The following HCFC2 variants were observed in gnomAD, a reference collection of about 807,000 sequenced individuals.
HCFC2 encodes host cell factor 2.
Under a neutral mutation model 89.2 loss-of-function variants are expected in HCFC2, and 18 were observed. The observed-to-expected ratio is 0.20, with a 90% CI of 0.14 to 0.30. HCFC2 has a LOEUF of 0.30. Among genes scored for constraint, HCFC2 ranks in the 10% least tolerant of loss-of-function variants. HCFC2 has a pLI of 1.00. For synonymous variants in HCFC2, 308 were observed against 335.7 expected (o/e 0.92, Z 0.90); for missense variants, 578 against 956.1 (o/e 0.60, Z 5.21).
At chr12:104,070,011 C>T (rs1338745294) in intron 3 of HCFC2, among the ~76,000 whole-genome samples, 1 of 152,100 alleles carries the variant, frequency 6.6e-6, no homozygotes, top group Non-Finnish European at 1.5e-5. Flanking sequence ...CATCCATGTC[C>T]CTGCAAAGGA....
chr12:104,067,207 GC>G (rs1309010969), intron 2 of HCFC2, among the ~76,000 whole-genome samples: 3 of 152,178 alleles, frequency 2.0e-5, no homozygotes, highest in Non-Finnish European at 4.4e-5. Context: ...ACCATGCCTG[GC>G]CCCTAGGCTA....
intron 8 of HCFC2, among the ~76,000 whole-genome samples, chr12:104,087,338 G>A (rs1441082173): frequency 8.4e-6 from 1 of 118,514 alleles, no homozygotes; most frequent in Admixed American, 9.5e-5. Flanking sequence ...TGGGCAACAA[G>A]CAAGACTCTG....
rs191913549 is a variant in HCFC2, at chr12:104,086,699, G to T, written c.1064-148G>T. 377 of 466,904 alleles carry T rather than the reference G, an allele frequency of 8.1e-4. 1 individual carries two copies. Among genetic ancestry groups the T allele is most frequent in the Non-Finnish European group, 1.2e-3 (316 of 265,546 alleles). The allele number at this position is 466,904 out of a possible 1,614,324, so 28.9% of individuals were successfully genotyped here. ...TATTTTTATTTGACCTACTGTAGCT[G>T]TGTTTATCTGAGTAAACTTTCCCTG... On this transcript the variant is annotated intron_variant, in intron 7 of 14. Transcript: ENST00000229330.
chr12:104,071,698 C>T (rs189192793), intron 3 of HCFC2, among the ~76,000 whole-genome samples: 1 of 152,312 alleles, frequency 6.6e-6, no homozygotes, highest in East Asian at 1.9e-4. Context: ...AGTGATCCTC[C>T]CACCTCAACC....
chr12:104,065,103 G>A (rs1327706502), intron 1 of HCFC2: 1 of 168,798 alleles, frequency 5.9e-6, no homozygotes, highest in Non-Finnish European at 1.3e-5. Flanking sequence ...AGTTCCTTAG[G>A]GCCTTTCCCG....
chr12:104,101,956 A>G lies in HCFC2; in HGVS notation c.1879-12A>G, dbSNP rs2029953183. The G allele has an allele frequency of 6.4e-7, 1 of 1,556,020 alleles. No individual in the cohort carries two copies. The highest frequency in any genetic ancestry group is 1.4e-5 in the African/African-American group (1 of 73,970). ...TACCTTTTCTTTGACTTTTGCATATACTACATTTTAGGTAGGAAATGCAGA... is the reference window on the plus strand; with the variant it reads ...TACCTTTTCTTTGACTTTTGCATATGCTACATTTTAGGTAGGAAATGCAGA... On this transcript the variant is annotated splice_polypyrimidine_tract_variant and intron_variant, in intron 13 of 14. Coordinates refer to ENST00000229330, the MANE Select transcript of HCFC2 (RefSeq NM_013320.3).
intron 2 of HCFC2, 23 bp downstream of exon 2, chr12:104,066,338 C>A (rs1433885776): frequency 6.6e-7 from 1 of 1,515,138 alleles, no homozygotes; most frequent in East Asian, 2.4e-5. Context: ...AATATTGTTT[C>A]ATTCTGAGGC....
intron 2 of HCFC2, among the ~76,000 whole-genome samples, chr12:104,067,037 C>G (rs181341036): frequency 6.6e-6 from 1 of 152,314 alleles, no homozygotes; most frequent in East Asian, 1.9e-4. Context: ...ATCCACCCAC[C>G]TGGGCCTCCC....
intron 13 of HCFC2, among the ~76,000 whole-genome samples, chr12:104,101,246 G>T (rs903604989): frequency 3.3e-5 from 5 of 152,190 alleles, no homozygotes; most frequent in African/African-American, 1.2e-4. Context: ...CACTTTGGGA[G>T]GCCGACGCAG....
chr12:104,067,551 A>G (rs577539321), intron 2 of HCFC2, among the ~76,000 whole-genome samples: 1 of 152,378 alleles, frequency 6.6e-6, no homozygotes, highest in East Asian at 1.9e-4. Context: ...ATGTTAAATG[A>G]GCTTTATGTT....
Position 104,103,277 on chromosome 12 carries a change from G to T in HCFC2, c.*4G>T. On this transcript the variant is annotated 3_prime_UTR_variant, in exon 15 of 15. Transcript: ENST00000229330. ...TAAGAAAGCACCTTTAAATTGAATT[G>T]GTTTTTTTACTGAAGCTATTGTGAT... The T allele has an allele frequency of 6.3e-7, 1 of 1,598,066 alleles. No individual in the cohort carries two copies. Among genetic ancestry groups the T allele is most frequent in the Non-Finnish European group, 8.6e-7 (1 of 1,169,134 alleles).
chr12:104,099,110 C>T (rs1221659528), intron 13 of HCFC2, among the ~76,000 whole-genome samples: 2 of 152,104 alleles, frequency 1.3e-5, no homozygotes, highest in Non-Finnish European at 2.9e-5. Context: ...CCTCAGAAAA[C>T]TTCCAATCAT....
chr12:104,096,025 T>G (rs1304895288), intron 11 of HCFC2, among the ~76,000 whole-genome samples: 1 of 152,184 alleles, frequency 6.6e-6, no homozygotes, highest in Non-Finnish European at 1.5e-5. Flanking sequence ...ACTTGCTTGA[T>G]TTCTAATTTG....
intron 14 of HCFC2, 149 bp from the exon 15 acceptor site, chr12:104,102,810 T>A: frequency 1.4e-6 from 1 of 693,782 alleles, no homozygotes; most frequent in Non-Finnish European, 2.3e-6. Context: ...TGAGGTAGGT[T>A]TTAAAAATCA....
chr12:104,099,098 G>A (rs1884262439), intron 13 of HCFC2, among the ~76,000 whole-genome samples: 1 of 152,184 alleles, frequency 6.6e-6, no homozygotes, highest in Non-Finnish European at 1.5e-5. Context: ...CTTCTGGGGA[G>A]GCCTCAGAAA....
chr12:104,083,515 C>CA (rs1883744128), intron 7 of HCFC2, among the ~76,000 whole-genome samples: 2 of 151,522 alleles, frequency 1.3e-5, no homozygotes, highest in South Asian at 4.2e-4. Context: ...GATCCTGGAA[C>CA]AAAAAAAGAC....
chr12:104,064,578 C>G lies in HCFC2; in HGVS notation c.18C>G (p.Leu6=). The part of the protein sequence containing the change: MAAPS[L]LNWRRVSSFT... ...TTGGGAAGATGGCGGCTCCCAGCCT[C>G]CTCAACTGGAGGCGAGTTTCTTCCT... The change falls in exon 1 of 15, where the codon CTC becomes CTG. Residue 6 remains leucine, a synonymous_variant. Coordinates refer to ENST00000229330, the MANE Select transcript of HCFC2 (RefSeq NM_013320.3). The surrounding 1 kb of genome is among the most constrained non-coding windows in gnomAD (Gnocchi z 7.3). 1 of 1,555,194 alleles carries G rather than the reference C, an allele frequency of 6.4e-7. No homozygotes were observed. Among genetic ancestry groups the G allele is most frequent in the Non-Finnish European group, 8.7e-7 (1 of 1,153,486 alleles).
At chr12:104,071,292 C>CTTTTCATGTACCCT (rs1405061892) in intron 3 of HCFC2, among the ~76,000 whole-genome samples, 6 of 152,350 alleles carry the variant, frequency 3.9e-5, no homozygotes, top group African/African-American at 1.2e-4. Flanking sequence ...TCATGTAACA[C>CTTTTCATGTACCCT]TTTTCATGTA....
In HCFC2 at chr12:104,106,168, A is replaced by G. The variant is rs2030080509; in HGVS notation, c.*2895A>G. The G allele has an allele frequency of 6.6e-6, 1 of 152,128 alleles. No homozygotes were observed. Among genetic ancestry groups the G allele is most frequent in the Non-Finnish European group, 1.5e-5 (1 of 67,980 alleles). 9.4% of individuals were successfully genotyped at this position (152,128 alleles called of 1,614,324 possible). A position where few individuals can be genotyped will look rare whatever the true frequency, so the allele number is the denominator to read the frequency against. On this transcript the variant is annotated 3_prime_UTR_variant, in exon 15 of 15. Coordinates refer to ENST00000229330, the MANE Select transcript of HCFC2 (RefSeq NM_013320.3). ...CTCCTGCCTCATTACCCAATTACAT[A>G]AATACAATTATCTATAGGAAGGTGA...
Sources: allele counts gnomAD v4.1 joint callset (sites outside exome capture counted in the v4.1 genomes callset), GRCh38; gene constraint gnomAD v4.1.1; non-coding constraint Gnocchi (gnomAD v3.1); transcripts MANE v1.5; gene names NCBI Gene and HGNC (gene_info 2026-07-23, HGNC 2026-07-21).